Variants in PDE1C observed in about 807,000 individuals in gnomAD.
PDE1C encodes the protein dual specificity calcium/calmodulin-dependent 3',5'-cyclic nucleotide phosphodiesterase 1C.
A neutral mutation model predicts 93.1 loss-of-function variants in PDE1C; 62 were observed. The observed-to-expected ratio is 0.67, with a 90% CI of 0.54 to 0.82. The LOEUF is 0.82. Among genes scored for constraint, PDE1C ranks in the 40% least tolerant of loss-of-function variants. PDE1C has a pLI of 0.00. For missense variants in PDE1C, 742 were observed against 884.6 expected (o/e 0.84, Z 2.04); for synonymous variants, 325 against 310.1 (o/e 1.05, Z -0.50).
At chr7:32,062,366 T>C (rs1239189446) in intron 1 of PDE1C, among the ~76,000 whole-genome samples, 1 of 152,208 alleles carries the variant, frequency 6.6e-6, no homozygotes, top group Non-Finnish European at 1.5e-5. Flanking sequence ...CTGGCTCCTC[T>C]CCAGCTGTGT....
At chr7:32,287,831 G>A (rs187951951) in intron 1 of PDE1C, among the ~76,000 whole-genome samples, 4 of 152,198 alleles carry the variant, frequency 2.6e-5, no homozygotes, top group Non-Finnish European at 4.4e-5. Context: ...ATTAGATGAC[G>A]TGAGGGTAGG....
intron 2 of PDE1C, among the ~76,000 whole-genome samples, chr7:31,903,514 G>GT (rs1800236815): frequency 6.6e-6 from 1 of 152,048 alleles, no homozygotes; most frequent in Non-Finnish European, 1.5e-5. Flanking sequence ...CTGGTGAATT[G>GT]TAAATGTCAC....
At chr7:31,713,438 C>G in the PDE1C span, among the ~76,000 whole-genome samples, 1 of 152,220 alleles carries the variant, frequency 6.6e-6, no homozygotes, top group Non-Finnish European at 1.5e-5. Context: ...CTTTCACAGT[C>G]TGGCGTCGAG....
intron 1 of PDE1C, among the ~76,000 whole-genome samples, chr7:32,420,092 C>CAT (rs371570161): frequency 0.032 from 519 of 16,326 alleles, 74 homozygotes; most frequent in East Asian, 0.08. Flanking sequence ...GGTGTGGTGG[C>CAT]ATATATATAT....
At chr7:31,761,244 T>G (rs548477681) in intron 17 of PDE1C, among the ~76,000 whole-genome samples, 1 of 152,188 alleles carries the variant, frequency 6.6e-6, no homozygotes, top group Non-Finnish European at 1.5e-5. Flanking sequence ...GAGTAAGTTA[T>G]AATAACTACC....
At chr7:32,355,058 C>T (rs1222929179) in intron 1 of PDE1C, among the ~76,000 whole-genome samples, 1 of 152,216 alleles carries the variant, frequency 6.6e-6, no homozygotes, top group Non-Finnish European at 1.5e-5. Context: ...GAACCAACCC[C>T]TGGCTTTCTC....
chr7:31,772,662 G>A (rs781325529), intron 17 of PDE1C, among the ~76,000 whole-genome samples: 16 of 152,140 alleles, frequency 1.1e-4, no homozygotes, highest in Non-Finnish European at 1.8e-4. Flanking sequence ...CATCTTGACC[G>A]GAATTCACAG....
intron 16 of PDE1C, chr7:31,787,429 C>A (rs1784117653): frequency 6.6e-6 from 1 of 152,106 alleles, no homozygotes; most frequent in Non-Finnish European, 1.5e-5. Flanking sequence ...AAGATTGGCA[C>A]AAATAAAATA....
intron 1 of PDE1C, among the ~76,000 whole-genome samples, chr7:32,334,600 C>T (rs1469139720): frequency 1.4e-5 from 2 of 145,358 alleles, no homozygotes; most frequent in Admixed American, 6.8e-5. Context: ...CACCCTCCCC[C>T]CCCATGTCCC....
intron 1 of PDE1C, among the ~76,000 whole-genome samples, chr7:32,354,138 GA>G (rs1229413919): frequency 6.6e-6 from 1 of 152,134 alleles, no homozygotes; most frequent in Admixed American, 6.5e-5. Context: ...AAAACCCCCA[GA>G]AAAAACTTAA....
intron 1 of PDE1C, among the ~76,000 whole-genome samples, chr7:32,063,176 C>G (rs984053349): frequency 2.0e-5 from 3 of 152,246 alleles, no homozygotes; most frequent in African/African-American, 7.2e-5. Context: ...GATGGTCATT[C>G]TCAAAGCTGT....
intron 16 of PDE1C, among the ~76,000 whole-genome samples, chr7:31,799,558 T>A (rs923011404): frequency 6.6e-5 from 10 of 151,624 alleles, no homozygotes; most frequent in South Asian, 4.1e-4. Flanking sequence ...ATCTATTTTT[T>A]AAAAAATTAA....
At chr7:31,679,674 T>C in the PDE1C span, among the ~76,000 whole-genome samples, 2 of 152,224 alleles carry the variant, frequency 1.3e-5, no homozygotes, top group East Asian at 1.9e-4. Flanking sequence ...GGAAAATATA[T>C]GTGCTTGCTC....
chr7:31,624,552 G>C, the PDE1C span, among the ~76,000 whole-genome samples: 2 of 132,508 alleles, frequency 1.5e-5, no homozygotes, highest in African/African-American at 5.6e-5. Context: ...ATGGTGCTGG[G>C]AAAACTGGCT....
At chr7:32,350,547 AATATATATAT>A (rs1180195472) in intron 1 of PDE1C, among the ~76,000 whole-genome samples, 1 of 41,042 alleles carries the variant, frequency 2.4e-5, no homozygotes, top group African/African-American at 1.2e-4. Flanking sequence ...GCATTTGACT[AATATATATAT>A]ATATATATAT....
the PDE1C span, chr7:31,643,440 G>T: frequency 2.8e-3 from 4,585 of 1,613,978 alleles, 267 homozygotes; most frequent in East Asian, 0.075. Context: ...TACTACCTGG[G>T]ACAGAAGCTG....
At chr7:31,945,117 C>A (rs1806431576) in intron 2 of PDE1C, among the ~76,000 whole-genome samples, 1 of 152,126 alleles carries the variant, frequency 6.6e-6, no homozygotes, top group Non-Finnish European at 1.5e-5. Flanking sequence ...TAACATTCCA[C>A]TCACATCACA....
chr7:32,345,767 A>G (rs1396228384), intron 1 of PDE1C, among the ~76,000 whole-genome samples: 1 of 152,234 alleles, frequency 6.6e-6, no homozygotes, highest in African/African-American at 2.4e-5. Context: ...ATTATTAGTC[A>G]TTAATAAAAT....
chr7:31,871,134 C>T (rs1225521058), intron 6 of PDE1C, among the ~76,000 whole-genome samples: 3 of 151,706 alleles, frequency 2.0e-5, no homozygotes, highest in African/African-American at 4.8e-5. Flanking sequence ...AGAAAGGACC[C>T]CTTCTTCAAG....
Sources: gnomAD v4.1 joint callset for allele counts (sites outside exome capture counted in the v4.1 genomes callset) on GRCh38, gnomAD v4.1.1 for gene constraint, MANE v1.5 for transcripts, NCBI Gene and HGNC (gene_info 2026-07-23, HGNC 2026-07-21) for gene names.